RNF220: variants seen among roughly 807,000 people sequenced by gnomAD.
The protein encoded by RNF220 is E3 ubiquitin-protein ligase RNF220.
A neutral mutation model predicts 67.1 loss-of-function variants in RNF220; 7 were observed. The ratio of observed to expected loss-of-function variants is 0.10; its 90% CI spans 0.06 to 0.20. The LOEUF (loss-of-function observed/expected upper bound fraction) is 0.20. RNF220 is among the 10% of genes least tolerant of loss of function. The pLI, the probability that RNF220 is intolerant of heterozygous loss-of-function variation, is 1.00. For missense variants in RNF220, 565 were observed against 740.3 expected (o/e 0.76, Z 2.75); for synonymous variants, 270 against 283.2 (o/e 0.95, Z 0.47).
intron 2 of RNF220, among the ~76,000 whole-genome samples, chr1:44,414,406 G>A (rs1250424893): frequency 1.3e-5 from 2 of 152,130 alleles, no homozygotes; most frequent in Non-Finnish European, 2.9e-5. Flanking sequence ...AGTAACATCT[G>A]GAGATTGAGA....
intron 8 of RNF220, among the ~76,000 whole-genome samples, chr1:44,642,223 G>C (rs1021717882): frequency 2.0e-5 from 3 of 152,236 alleles, no homozygotes; most frequent in Admixed American, 2.0e-4. Flanking sequence ...CACCAGGGAA[G>C]GGACACCTGT....
Position 44,645,228 on chromosome 1 carries a change from C to T in RNF220, c.1318C>T (p.Pro440Ser). ...CTCCCTCCTTTCCTCCAGTGGCGGCCCTCCCAGCACGCGCATCACACCTGA... is the reference window on the plus strand; with the variant it reads ...CTCCCTCCTTTCCTCCAGTGGCGGCTCTCCCAGCACGCGCATCACACCTGA... The part of the protein sequence containing the change: ...ALRGAVLNGG[P>S]PSTRITPEFS... The change falls in exon 11 of 15, where the codon CCT becomes TCT. Residue 440 changes from proline to serine, a missense_variant. Coordinates refer to ENST00000361799, the MANE Select transcript of RNF220 (RefSeq NM_018150.4). The surrounding 1 kb of genome is among the most constrained non-coding windows in gnomAD (Gnocchi z 5.0). 2 of 1,614,102 alleles carry T rather than the reference C, an allele frequency of 1.2e-6. No individual in the cohort carries two copies. Among genetic ancestry groups the T allele is most frequent in the Non-Finnish European group, 1.7e-6 (2 of 1,180,014 alleles).
At chr1:44,572,392 C>G (rs891813127) in intron 2 of RNF220, among the ~76,000 whole-genome samples, 3 of 152,186 alleles carry the variant, frequency 2.0e-5, no homozygotes, top group South Asian at 2.1e-4. Context: ...GGAAGGGACT[C>G]TTTGAAACCC....
At chr1:44,444,192 A>C (rs1651846214) in intron 2 of RNF220, among the ~76,000 whole-genome samples, 1 of 152,202 alleles carries the variant, frequency 6.6e-6, no homozygotes, top group Admixed American at 6.5e-5. Flanking sequence ...TTAGGTAATC[A>C]CTATCTTGAC....
chr1:44,425,984 T>C (rs12754891), intron 2 of RNF220, among the ~76,000 whole-genome samples: 9,970 of 152,252 alleles, frequency 0.065, 371 homozygotes, highest in African/African-American at 0.088. Flanking sequence ...ACTATTTTTC[T>C]AGGTGTTTTG....
intron 2 of RNF220, among the ~76,000 whole-genome samples, chr1:44,416,960 C>A (rs1400116446): frequency 1.3e-5 from 2 of 152,102 alleles, no homozygotes; most frequent in African/African-American, 2.4e-5. Flanking sequence ...CAGCTGAGCC[C>A]ACCTAGGCCA....
chr1:44,644,967 G>C (rs969613169), intron 9 of RNF220, 28 bp from the exon 10 acceptor site: 9 of 1,611,920 alleles, frequency 5.6e-6, no homozygotes, highest in Non-Finnish European at 7.6e-6. Flanking sequence ...TGCAAACTAG[G>C]ATCCATTGTC....
chr1:44,634,748 T>A (rs1644274820), intron 6 of RNF220, among the ~76,000 whole-genome samples: 1 of 152,242 alleles, frequency 6.6e-6, no homozygotes, highest in South Asian at 2.1e-4. Context: ...CAGCATTAAT[T>A]AGCAGTGTTG....
In RNF220 at chr1:44,610,507, C is replaced by G. The variant is rs540735070; in HGVS notation, c.626-3658C>G. 5.3e-5 allele frequency among the ~76,000 whole-genome samples: 8 copies of G among 152,300 alleles called. 1 individual carries two copies. In the South Asian group the frequency reaches 6.2e-4, roughly 12 times the overall value. On this transcript the variant is annotated intron_variant, in intron 2 of 14. Coordinates refer to ENST00000361799, the MANE Select transcript of RNF220 (RefSeq NM_018150.4). ...CCCAGCTCCTGACCTCCTGAGGGAGCGAGGCCTCCTGAGGAGGGACAGGAT... is the reference window on the plus strand; with the variant it reads ...CCCAGCTCCTGACCTCCTGAGGGAGGGAGGCCTCCTGAGGAGGGACAGGAT...
chr1:44,603,912 G>A (rs1667100711), intron 2 of RNF220, among the ~76,000 whole-genome samples: 1 of 152,268 alleles, frequency 6.6e-6, no homozygotes, highest in African/African-American at 2.4e-5. Flanking sequence ...AGCCTAGAAA[G>A]CAGGTAACAC....
chr1:44,506,830 A>G (rs1004253583), intron 2 of RNF220, among the ~76,000 whole-genome samples: 3 of 152,142 alleles, frequency 2.0e-5, no homozygotes, highest in African/African-American at 7.2e-5. Flanking sequence ...TCATCTGTAA[A>G]ATGAGGGCAA....
At chr1:44,471,783 C>T (rs1476513181) in intron 2 of RNF220, among the ~76,000 whole-genome samples, 1 of 152,106 alleles carries the variant, frequency 6.6e-6, no homozygotes, top group Admixed American at 6.6e-5. Flanking sequence ...GAGATCGCAC[C>T]ATTGCACTCC....
At chr1:44,485,284 C>T (rs887805244) in intron 2 of RNF220, among the ~76,000 whole-genome samples, 2 of 152,186 alleles carry the variant, frequency 1.3e-5, no homozygotes, top group Non-Finnish European at 2.9e-5. Flanking sequence ...CTCCCTCCCC[C>T]CAATCTCCTG....
chr1:44,418,962 A>T (rs1648912074), intron 2 of RNF220, among the ~76,000 whole-genome samples: 1 of 152,156 alleles, frequency 6.6e-6, no homozygotes, highest in Non-Finnish European at 1.5e-5. Flanking sequence ...ACACCTTGGG[A>T]CGTGCTCTTT....
chr1:44,437,625 CA>C (rs1321092333), intron 2 of RNF220, among the ~76,000 whole-genome samples: 1 of 152,108 alleles, frequency 6.6e-6, no homozygotes, highest in Non-Finnish European at 1.5e-5. Context: ...TGTCGATATC[CA>C]GGGAGAAATG....
intron 5 of RNF220, among the ~76,000 whole-genome samples, chr1:44,630,014 G>A (rs1018098549): frequency 3.9e-5 from 6 of 152,248 alleles, no homozygotes; most frequent in Non-Finnish European, 7.3e-5. Flanking sequence ...CTTTACACAA[G>A]GCCTGGCATG....
At chr1:44,477,467 A>G (rs1183295520) in intron 2 of RNF220, among the ~76,000 whole-genome samples, 1 of 152,236 alleles carries the variant, frequency 6.6e-6, no homozygotes, top group East Asian at 1.9e-4. Context: ...GACATTTCAA[A>G]AAGAAGGAAC....
At chr1:44,523,933 A>G (rs532539862) in intron 2 of RNF220, among the ~76,000 whole-genome samples, 2 of 152,292 alleles carry the variant, frequency 1.3e-5, no homozygotes, top group African/African-American at 4.8e-5. Context: ...TGCCTTGCTC[A>G]GGTCCCTGGG....
rs554397044 is a variant in RNF220, at chr1:44,508,425, G to A, written c.625+95703G>A. On this transcript the variant is annotated intron_variant, in intron 2 of 14. Coordinates refer to ENST00000361799, the MANE Select transcript of RNF220 (RefSeq NM_018150.4). The stretch of plus-strand genomic sequence containing the variant: ...CTTTTTCACCTCTCCCTCAAAGGCT[G>A]CCCCTTTTCTCTACCCATCTTCCCT... Among the ~76,000 whole-genome samples the A allele has an allele frequency of 1.6e-4, 24 of 152,266 alleles. No homozygotes were observed. In the East Asian group the frequency reaches 2.5e-3, roughly 16 times the overall value.
Sources: allele counts gnomAD v4.1 joint callset (sites outside exome capture counted in the v4.1 genomes callset), GRCh38; gene constraint gnomAD v4.1.1; non-coding constraint Gnocchi (gnomAD v3.1); transcripts MANE v1.5; gene names NCBI Gene and HGNC (gene_info 2026-07-23, HGNC 2026-07-21).